TMEM181: variants seen among roughly 807,000 people sequenced by gnomAD.
The protein encoded by TMEM181 is transmembrane protein 181, also known as G protein-coupled receptor 178.
In TMEM181, 39 loss-of-function variants were observed where a neutral mutation model predicts 71.9. That is an observed-to-expected ratio of 0.54 (90% confidence interval 0.42 to 0.71). The LOEUF (loss-of-function observed/expected upper bound fraction) is 0.71, where lower values mean the gene tolerates loss of function less well. Among genes scored for constraint, TMEM181 ranks in the 30% least tolerant of loss-of-function variants. TMEM181 has a pLI of 0.00. For synonymous variants in TMEM181, 245 were observed against 228.8 expected, an observed-to-expected ratio of 1.07 and a Z score of -0.64; for missense variants, 595 against 583.0, an observed-to-expected ratio of 1.02 and a Z score of -0.21.
chr6:158,557,461 A>G (rs920394145), upstream of TMEM181, among the ~76,000 whole-genome samples: 2 of 152,078 alleles, frequency 1.3e-5, no homozygotes, highest in Admixed American at 6.6e-5. Context: ...CCTTTTCATA[A>G]CATGATCATA....
intron 6 of TMEM181, 124 bp downstream of exon 6, chr6:158,589,906 GT>G: frequency 1.4e-6 from 1 of 708,386 alleles, no homozygotes. Flanking sequence ...GACTTGTAAA[GT>G]TTTTAAAAAT....
chr6:158,559,843 A>G (rs1281682063), upstream of TMEM181, among the ~76,000 whole-genome samples: 1 of 152,246 alleles, frequency 6.6e-6, no homozygotes, highest in Non-Finnish European at 1.5e-5. Flanking sequence ...GGAGTGAATG[A>G]ATGCGCTGTT....
chr6:158,565,303 G>A (rs1204236401), intron 1 of TMEM181, among the ~76,000 whole-genome samples: 1 of 152,238 alleles, frequency 6.6e-6, no homozygotes, highest in African/African-American at 2.4e-5. Context: ...CCCTATGTGG[G>A]AGGGGTAGGC....
chr6:158,608,581 C>T, intron 9 of TMEM181, 78 bp from the exon 10 acceptor site: 1 of 1,596,026 alleles, frequency 6.3e-7, no homozygotes, highest in Non-Finnish European at 8.5e-7. Context: ...CAGGCCCATA[C>T]TCAATGGAAA....
At chr6:158,601,501 C>T (rs746961287) in intron 6 of TMEM181, among the ~76,000 whole-genome samples, 1 of 152,158 alleles carries the variant, frequency 6.6e-6, no homozygotes, top group African/African-American at 2.4e-5. Context: ...TGGCTCACAC[C>T]TGTAATCCCA....
At chr6:158,557,207 T>C (rs148150256), upstream of TMEM181, among the ~76,000 whole-genome samples, 1 of 152,140 alleles carries the variant, frequency 6.6e-6, no homozygotes, top group East Asian at 1.9e-4. Flanking sequence ...AAACCTTGTC[T>C]CTACAAAAAA....
intron 1 of TMEM181, among the ~76,000 whole-genome samples, chr6:158,561,522 T>C (rs1782175189): frequency 6.6e-6 from 1 of 152,184 alleles, no homozygotes; most frequent in African/African-American, 2.4e-5. Flanking sequence ...TCTCACGCGC[T>C]GCCCCTTGGA....
chr6:158,568,057 T>C (rs892803275), intron 1 of TMEM181, among the ~76,000 whole-genome samples: 7 of 151,980 alleles, frequency 4.6e-5, no homozygotes, highest in Admixed American at 2.0e-4. Flanking sequence ...TTTTGGGGCC[T>C]GAACAGTGGG....
chr6:158,613,159 A>G (rs1456028520), intron 10 of TMEM181, among the ~76,000 whole-genome samples: 1 of 152,218 alleles, frequency 6.6e-6, no homozygotes, highest in Non-Finnish European at 1.5e-5. Context: ...TGATTCCTGT[A>G]ACAGATGTAA....
chr6:158,620,953 T>C lies in TMEM181; in HGVS notation c.897-2597T>C, dbSNP rs144839605. 4.6e-3 allele frequency among the ~76,000 whole-genome samples: 706 copies of C among 152,368 alleles called. 2 individuals carry two copies. Among genetic ancestry groups the C allele is most frequent in the Non-Finnish European group, 7.4e-3 (501 of 68,024 alleles). On this transcript the variant is annotated intron_variant, in intron 10 of 16. Coordinates refer to ENST00000684151, the MANE Select transcript of TMEM181 (RefSeq NM_001376852.1). The surrounding 1 kb of genome is among the most constrained non-coding windows in gnomAD (Gnocchi z 4.5). ...AGGTCAGAGGCACTCTCTTACGGGCTAAGAGTATTTAAGCGTTCAGGGTGG... is the reference window on the plus strand; with the variant it reads ...AGGTCAGAGGCACTCTCTTACGGGCCAAGAGTATTTAAGCGTTCAGGGTGG...
intron 2 of TMEM181, among the ~76,000 whole-genome samples, chr6:158,579,171 A>T: frequency 6.6e-6 from 1 of 152,080 alleles, no homozygotes; most frequent in East Asian, 1.9e-4. Context: ...AGGCAGGAGA[A>T]ACACTTGAAC....
intron 2 of TMEM181, among the ~76,000 whole-genome samples, chr6:158,577,861 C>A (rs1378004547): frequency 6.6e-6 from 1 of 152,122 alleles, no homozygotes; most frequent in Non-Finnish European, 1.5e-5. Flanking sequence ...GAGGCTGAGG[C>A]GGGTGGATCA....
chr6:158,556,110 CT>C (rs1781875572), upstream of TMEM181, among the ~76,000 whole-genome samples: 1 of 152,190 alleles, frequency 6.6e-6, no homozygotes, highest in African/African-American at 2.4e-5. Flanking sequence ...CCAACAAGGA[CT>C]TTTCAGAAAA....
chr6:158,576,848 G>C (rs1007488887), intron 2 of TMEM181, among the ~76,000 whole-genome samples: 1 of 151,856 alleles, frequency 6.6e-6, no homozygotes, highest in Non-Finnish European at 1.5e-5. Context: ...GGATCACGAC[G>C]TCAGGAGATC....
At chr6:158,626,452 C>G (rs556170132) in intron 13 of TMEM181, 1 of 456,614 alleles carries the variant, frequency 2.2e-6, no homozygotes, top group Non-Finnish European at 4.4e-6. Context: ...GGCAAATAAG[C>G]GGATGTTGGC....
intron 10 of TMEM181, 86 bp downstream of exon 10, chr6:158,608,836 G>A (rs9457412): frequency 0.12 from 153,489 of 1,259,860 alleles, 10,566 homozygotes; most frequent in African/African-American, 0.2. Context: ...AGTGGCTCAC[G>A]CCTGTAATCC....
intron 6 of TMEM181, among the ~76,000 whole-genome samples, chr6:158,597,608 C>T (rs1224635696): frequency 1.3e-5 from 2 of 152,200 alleles, no homozygotes; most frequent in African/African-American, 2.4e-5. Context: ...TCAAGCGATC[C>T]TTCCACCTCA....
intron 8 of TMEM181, among the ~76,000 whole-genome samples, 200 bp from the exon 9 acceptor site, chr6:158,608,133 C>T (rs917581430): frequency 1.3e-5 from 2 of 152,198 alleles, no homozygotes; most frequent in African/African-American, 4.8e-5. Context: ...TGGTAGTGAG[C>T]TCAGACCCTG....
In TMEM181 at chr6:158,587,750, A is replaced by G. The variant is rs372850824; in HGVS notation, c.382-1922A>G. Among the ~76,000 whole-genome samples the G allele has an allele frequency of 1.6e-4, 25 of 151,840 alleles. No individual in the cohort carries two copies. In the South Asian group the frequency reaches 3.7e-3, roughly 23 times the overall value. The stretch of plus-strand genomic sequence containing the variant: ...ATCACGTGATTTTCAGAGGTACATC[A>G]TTGTCAGCAGCAGAACCGTGGTTTG... On this transcript the variant is annotated intron_variant, in intron 5 of 16. Coordinates refer to ENST00000684151, the MANE Select transcript of TMEM181 (RefSeq NM_001376852.1).
Sources: gnomAD v4.1 joint callset for allele counts (sites outside exome capture counted in the v4.1 genomes callset) on GRCh38, gnomAD v4.1.1 for gene constraint, Gnocchi (gnomAD v3.1) non-coding constraint, MANE v1.5 for transcripts, NCBI Gene and HGNC (gene_info 2026-07-23, HGNC 2026-07-21) for gene names.